The following COX7B2 variants were observed in gnomAD, a reference collection of about 807,000 sequenced individuals.
COX7B2 encodes the protein cytochrome c oxidase subunit 7B2.
For synonymous variants in COX7B2, 37 were observed against 32.1 expected, an observed-to-expected ratio of 1.15 and a Z score of -0.51; for missense variants, 109 against 95.9, an observed-to-expected ratio of 1.14 and a Z score of -0.57.
chr4:46,892,893 T>G lies in COX7B2; in HGVS notation c.-105+16267A>C, dbSNP rs185372707. Among the ~76,000 whole-genome samples the G allele has an allele frequency of 1.5e-4, 23 of 152,244 alleles. 1 individual carries two copies. The highest frequency in any genetic ancestry group is 5.3e-4 in the African/African-American group (22 of 41,558). ...TAATGGGGGGATTTCCCCCATGCTA[T>G]TCTCATGATAGTAAGTTCTCAGGAT... On this transcript the variant is annotated intron_variant, in intron 1 of 2. Transcript: ENST00000355591.
chr4:46,854,648 A>G (rs1033322709), intron 1 of COX7B2, among the ~76,000 whole-genome samples: 1 of 152,208 alleles, frequency 6.6e-6, no homozygotes, highest in Middle Eastern at 3.2e-3. Context: ...AAATGGCAAT[A>G]GTATCAGGAA....
At chr4:46,767,421 T>C (rs905252311) in intron 2 of COX7B2, among the ~76,000 whole-genome samples, 1 of 152,194 alleles carries the variant, frequency 6.6e-6, no homozygotes, top group Non-Finnish European at 1.5e-5. Flanking sequence ...GGAACTTTAG[T>C]ACCCCACTTT....
intron 1 of COX7B2, among the ~76,000 whole-genome samples, chr4:46,908,786 A>T (rs940112456): frequency 6.6e-6 from 1 of 150,748 alleles, no homozygotes; most frequent in Non-Finnish European, 1.5e-5. Flanking sequence ...TCACGCCTGT[A>T]ATCCCAACAC....
chr4:46,866,730 C>T (rs1189370875), intron 1 of COX7B2, among the ~76,000 whole-genome samples: 1 of 151,882 alleles, frequency 6.6e-6, no homozygotes, highest in Non-Finnish European at 1.5e-5. Flanking sequence ...TTCAAGAGTC[C>T]CTAGACCTTT....
chr4:46,742,601 T>C (rs1390437320), intron 2 of COX7B2, among the ~76,000 whole-genome samples: 1 of 152,174 alleles, frequency 6.6e-6, no homozygotes, highest in Non-Finnish European at 1.5e-5. Flanking sequence ...AATTGATGGA[T>C]AGTACAACCA....
At chr4:46,822,432 A>C (rs1714364791) in intron 2 of COX7B2, among the ~76,000 whole-genome samples, 1 of 152,034 alleles carries the variant, frequency 6.6e-6, no homozygotes, top group African/African-American at 2.4e-5. Flanking sequence ...GCTCTGGGGC[A>C]CAGAGGAAGA....
chr4:46,755,189 C>T (rs1184917587), intron 2 of COX7B2, among the ~76,000 whole-genome samples: 1 of 151,990 alleles, frequency 6.6e-6, no homozygotes, highest in Non-Finnish European at 1.5e-5. Context: ...ACAAAAACCA[C>T]ATGATCATCT....
At chr4:46,887,345 G>T (rs1296526572) in intron 1 of COX7B2, among the ~76,000 whole-genome samples, 1 of 152,160 alleles carries the variant, frequency 6.6e-6, no homozygotes. Flanking sequence ...ACCTTCATCT[G>T]AATGCATCCT....
chr4:46,778,793 ATCAGTGAAACTAAATTT>A (rs770980940), intron 2 of COX7B2, among the ~76,000 whole-genome samples: 7 of 152,144 alleles, frequency 4.6e-5, no homozygotes, highest in Non-Finnish European at 8.8e-5. Context: ...GAGTAGAATA[ATCAGTGAAACTAAATTT>A]TCACTGTAGT....
At chr4:46,796,184 C>A (rs1226488922) in intron 2 of COX7B2, among the ~76,000 whole-genome samples, 2 of 140,886 alleles carry the variant, frequency 1.4e-5, no homozygotes, top group South Asian at 4.5e-4. Flanking sequence ...TAATTGAATA[C>A]CCTTTATTTC....
intron 1 of COX7B2, among the ~76,000 whole-genome samples, chr4:46,906,382 A>T (rs1720396996): frequency 6.6e-6 from 1 of 152,198 alleles, no homozygotes; most frequent in Non-Finnish European, 1.5e-5. Flanking sequence ...ACAGACCTTG[A>T]ATAGCATTTT....
intron 2 of COX7B2, among the ~76,000 whole-genome samples, chr4:46,776,873 C>G (rs1303491652): frequency 6.6e-6 from 1 of 152,078 alleles, no homozygotes; most frequent in Admixed American, 6.6e-5. Flanking sequence ...CACCATACAC[C>G]AGCTAGTTTA....
intron 2 of COX7B2, among the ~76,000 whole-genome samples, chr4:46,836,924 T>C (rs1560411867): frequency 6.6e-6 from 1 of 152,132 alleles, no homozygotes. Flanking sequence ...CTACCCTTAA[T>C]TGAAACATCG....
chr4:46,883,289 T>C (rs1482782376), intron 1 of COX7B2, among the ~76,000 whole-genome samples: 1 of 152,222 alleles, frequency 6.6e-6, no homozygotes, highest in African/African-American at 2.4e-5. Flanking sequence ...AAATACTTTG[T>C]AGATCTGGTA....
In COX7B2 at chr4:46,900,858, G is replaced by A. The variant is rs207464668; in HGVS notation, c.-105+8302C>T. Reference sequence around the variant, plus strand: ...GACTTCCCAGTCCCCAGAACTATGCGACATAAATTACTGTTGCTTATAAGC... The same window carrying A: ...GACTTCCCAGTCCCCAGAACTATGCAACATAAATTACTGTTGCTTATAAGC... On this transcript the variant is annotated intron_variant, in intron 1 of 2. Transcript: ENST00000355591. 3.3e-5 allele frequency among the ~76,000 whole-genome samples: 5 copies of A among 152,212 alleles called. No individual in the cohort carries two copies. The East Asian group carries it at 7.7e-4, about 24-fold the overall frequency.
In COX7B2 at chr4:46,874,092, G is replaced by T. The variant is rs552785079; in HGVS notation, c.-104-29078C>A. On this transcript the variant is annotated intron_variant, in intron 1 of 2. Coordinates refer to ENST00000355591, the MANE Select transcript of COX7B2 (RefSeq NM_130902.3). ...CAGATTATAATTCTCTTTGTATCTTGAGTTTGGGAACTTGGCATATCCATA... is the reference window on the plus strand; with the variant it reads ...CAGATTATAATTCTCTTTGTATCTTTAGTTTGGGAACTTGGCATATCCATA... 1.6e-4 allele frequency among the ~76,000 whole-genome samples: 24 copies of T among 152,152 alleles called. No individual in the cohort carries two copies. In the South Asian group the frequency reaches 5.0e-3, roughly 32 times the overall value.
At chr4:46,821,692 T>C (rs1577609568) in intron 2 of COX7B2, among the ~76,000 whole-genome samples, 1 of 152,192 alleles carries the variant, frequency 6.6e-6, no homozygotes, top group East Asian at 1.9e-4. Context: ...TATTCAAATG[T>C]ATAAGTTAAA....
At chr4:46,764,687 A>G (rs1055119500) in intron 2 of COX7B2, among the ~76,000 whole-genome samples, 16 of 152,030 alleles carry the variant, frequency 1.1e-4, no homozygotes, top group Non-Finnish European at 1.3e-4. Context: ...CTCAAAAAAA[A>G]AAAAAAAAAG....
intron 2 of COX7B2, among the ~76,000 whole-genome samples, chr4:46,777,265 A>C (rs538531000): frequency 8.9e-4 from 136 of 152,282 alleles, no homozygotes; most frequent in African/African-American, 2.9e-3. Flanking sequence ...TGCTTTTAAA[A>C]AATAAATGGA....
Sources: allele counts gnomAD v4.1 joint callset (sites outside exome capture counted in the v4.1 genomes callset), GRCh38; gene constraint gnomAD v4.1.1; transcripts MANE v1.5; gene names NCBI Gene and HGNC (gene_info 2026-07-23, HGNC 2026-07-21).